Variants in ARHGEF28 observed in about 807,000 individuals in gnomAD.
The protein encoded by ARHGEF28 is 190 kDa guanine nucleotide exchange factor.
In ARHGEF28, 152 loss-of-function variants were observed where a neutral mutation model predicts 206.6. That is an observed-to-expected ratio of 0.74 (90% confidence interval 0.64 to 0.84). The LOEUF is 0.84. Ranked by LOEUF, ARHGEF28 falls within the 40% of genes least tolerant of loss-of-function variation. The pLI is 0.00. For missense variants in ARHGEF28, 2,028 were observed against 2,073.2 expected, an observed-to-expected ratio of 0.98 and a Z score of 0.42; for synonymous variants, 763 against 776.4, an observed-to-expected ratio of 0.98 and a Z score of 0.29.
intron 24 of ARHGEF28, among the ~76,000 whole-genome samples, chr5:73,884,928 C>T (rs971219779): frequency 6.6e-6 from 1 of 152,030 alleles, no homozygotes; most frequent in African/African-American, 2.4e-5. Flanking sequence ...TAGCACAGCA[C>T]TTGGGTACCA....
Position 73,832,422 on chromosome 5 carries a change from G to A in ARHGEF28, c.1109G>A (p.Gly370Asp). The change falls in exon 10 of 36, where the codon GGT (glycine) becomes GAT (aspartate). Residue 370 changes from glycine (G) to aspartate (D), a missense_variant. Coordinates refer to ENST00000513042, the MANE Select transcript of ARHGEF28 (RefSeq NM_001177693.2). ...AGRLSDMLNG[G>D]DEVYANCMVI... ...CGGCTTTCAGACATGCTGAATGGAG[G>A]TGATGAAGTCTACGCTAACTGTATG... The A allele has an allele frequency of 6.2e-7, 1 of 1,612,716 alleles. No individual in the cohort carries two copies. Among genetic ancestry groups the A allele is most frequent in the East Asian group, 2.2e-5 (1 of 44,854 alleles).
intron 4 of ARHGEF28, 140 bp from the exon 5 acceptor site, chr5:73,773,715 A>G (rs1753370130): frequency 2.2e-6 from 2 of 901,514 alleles, no homozygotes; most frequent in South Asian, 4.1e-5. Flanking sequence ...AAAATGAGAT[A>G]CAGTGATTGG....
rs2112403211 is a variant in ARHGEF28 at position 73,752,809 on chromosome 5, TG to T, written c.182-99del. ...CTTTCTGCTTTGTTCTCCTGGAGCG[TG>T]TTGTCTGCTTAAGCTATGTGGTGGG... On this transcript the variant is annotated intron_variant, in intron 3 of 35. Coordinates refer to ENST00000513042, the MANE Select transcript of ARHGEF28 (RefSeq NM_001177693.2). 3.0e-6 allele frequency: 4 copies of T among 1,341,408 alleles called. No homozygotes were observed. The South Asian group carries it at 5.6e-5, about 19-fold the overall frequency. 83.1% of individuals were successfully genotyped at this position (1,341,408 alleles called of 1,614,324 possible). A position where few individuals can be genotyped will look rare whatever the true frequency, so the allele number is the denominator to read the frequency against.
chr5:73,792,265 A>C (rs1170843094), intron 7 of ARHGEF28, among the ~76,000 whole-genome samples: 2 of 152,188 alleles, frequency 1.3e-5, no homozygotes, highest in Non-Finnish European at 2.9e-5. Context: ...AAGTGAAAAA[A>C]ATTGCACTGG....
chr5:73,855,872 T>C (rs1758997761), intron 14 of ARHGEF28, among the ~76,000 whole-genome samples: 1 of 151,914 alleles, frequency 6.6e-6, no homozygotes, highest in South Asian at 2.1e-4. Flanking sequence ...GGGAGTAGAG[T>C]TGGGTAACCA....
At chr5:73,691,422 T>G (rs1196610757) in intron 2 of ARHGEF28, among the ~76,000 whole-genome samples, 1 of 152,176 alleles carries the variant, frequency 6.6e-6, no homozygotes, top group Non-Finnish European at 1.5e-5. Context: ...GTTCCTGTAC[T>G]CTGAGCTAAC....
chr5:73,910,466 C>T (rs1029272985), intron 34 of ARHGEF28, among the ~76,000 whole-genome samples: 4 of 150,234 alleles, frequency 2.7e-5, no homozygotes, highest in African/African-American at 9.8e-5. Context: ...ATGCCCTTAC[C>T]CTAAGGAACA....
chr5:73,637,680 C>A (rs886551892), intron 1 of ARHGEF28, among the ~76,000 whole-genome samples: 3 of 152,108 alleles, frequency 2.0e-5, no homozygotes, highest in African/African-American at 7.2e-5. Flanking sequence ...ATTTTTTGAG[C>A]CTTTATTGAG....
At chr5:73,887,469 A>G (rs564823789) in intron 25 of ARHGEF28, 134 bp from the exon 26 acceptor site, 1 of 650,312 alleles carries the variant, frequency 1.5e-6, no homozygotes, top group African/African-American at 1.8e-5. Context: ...AATAGCATAT[A>G]TCTTTGGCTA....
chr5:73,799,547 T>A lies in ARHGEF28; in HGVS notation c.1024+4156T>A, dbSNP rs112959369. 1.5e-3 allele frequency among the ~76,000 whole-genome samples: 231 copies of A among 152,282 alleles called. 1 individual carries two copies. The highest frequency in any genetic ancestry group is 5.2e-3 in the African/African-American group (217 of 41,550). ...TCCTGTTCTTTCATCGAATAATATG[T>A]CAAAGTGTGAGTGAGGTTGTGGGTG... On this transcript the variant is annotated intron_variant, in intron 9 of 35. Transcript: ENST00000513042.
At chr5:73,828,361 T>C (rs1579949819) in intron 9 of ARHGEF28, among the ~76,000 whole-genome samples, 3 of 152,342 alleles carry the variant, frequency 2.0e-5, no homozygotes, top group African/African-American at 7.2e-5. Context: ...GCAGAGGCTA[T>C]GTATGCCTCA....
At chr5:73,918,420 T>C (rs1370896670) in intron 35 of ARHGEF28, among the ~76,000 whole-genome samples, 1 of 152,234 alleles carries the variant, frequency 6.6e-6, no homozygotes, top group Non-Finnish European at 1.5e-5. Flanking sequence ...ATTACACTCC[T>C]CCTTGTTTGG....
Position 73,909,795 on chromosome 5 carries a change from GAGGGAGC to G in ARHGEF28, c.4549_4555del (p.Glu1517ArgfsTer32), listed in dbSNP as rs1358540837. On this transcript the variant is annotated frameshift_variant, in exon 34 of 36. Transcript: ENST00000513042. LOFTEE classifies it high-confidence loss of function. ...TGAGGGAGGGCCAGCGCCTGGTGGA[GAGGGAGC>G]AGGCGAGGATGCGGGCCCAGCAGAG... 6.5e-6 allele frequency: 10 copies of G among 1,527,964 alleles called. No individual in the cohort carries two copies. The highest frequency in any genetic ancestry group is 8.7e-6 in the Non-Finnish European group (10 of 1,143,930). 94.7% of individuals were successfully genotyped at this position (1,527,964 alleles called of 1,614,324 possible). A position where few individuals can be genotyped will look rare whatever the true frequency, so the allele number is the denominator to read the frequency against.
chr5:73,671,694 T>TTATGTATATATATA (rs1746307772), intron 1 of ARHGEF28, among the ~76,000 whole-genome samples: 3 of 76,110 alleles, frequency 3.9e-5, no homozygotes, highest in African/African-American at 1.4e-4. Flanking sequence ...TTGAACTTGA[T>TTATGTATATATATA]TATATATATA....
At chr5:73,634,092 A>G (rs1743545387) in intron 1 of ARHGEF28, among the ~76,000 whole-genome samples, 1 of 151,978 alleles carries the variant, frequency 6.6e-6, no homozygotes, top group Admixed American at 6.6e-5. Flanking sequence ...GTGTTTATAC[A>G]TTTTTCATAT....
chr5:73,926,543 C>T (rs373612297), intron 35 of ARHGEF28, among the ~76,000 whole-genome samples: 2 of 152,198 alleles, frequency 1.3e-5, no homozygotes, highest in South Asian at 2.1e-4. Context: ...CCAAACTTGA[C>T]AACTCTCCCT....
At chr5:73,884,392 C>A (rs72772576) in intron 24 of ARHGEF28, among the ~76,000 whole-genome samples, 1,807 of 152,260 alleles carry the variant, frequency 0.012, 19 homozygotes, top group Middle Eastern at 0.02. Context: ...TCTGTAAGCT[C>A]CTTGTGGGAT....
rs114306678 is a variant in ARHGEF28, at chr5:73,632,241, T to C, written c.-12+5919T>C. On this transcript the variant is annotated intron_variant, in intron 1 of 35. Transcript: ENST00000513042. ...GAGGAGGGCAAAGTTTGCTCAGGAA[T>C]TAGACAGTTAGTCCTTCCCAGATGT... is the stretch of plus-strand genomic sequence containing the variant. Among the ~76,000 whole-genome samples the C allele has an allele frequency of 5.3e-3, 800 of 152,290 alleles. 4 individuals carry two copies. The highest frequency in any genetic ancestry group is 0.018 in the African/African-American group (749 of 41,554).
intron 30 of ARHGEF28, chr5:73,898,427 T>C (rs966813383): frequency 1.8e-5 from 3 of 166,924 alleles, no homozygotes; most frequent in Admixed American, 1.2e-4. Flanking sequence ...TTTTTAACTT[T>C]TCAGGTTTTT....
Sources: allele counts gnomAD v4.1 joint callset (sites outside exome capture counted in the v4.1 genomes callset), GRCh38; gene constraint gnomAD v4.1.1; transcripts MANE v1.5; gene names NCBI Gene and HGNC (gene_info 2026-07-23, HGNC 2026-07-21).